TTLL5: variants seen among roughly 807,000 people sequenced by gnomAD.
The protein encoded by TTLL5 is tubulin polyglutamylase TTLL5.
Under a neutral mutation model 168.4 loss-of-function variants are expected in TTLL5, and 132 were observed. The ratio of observed to expected loss-of-function variants is 0.78; its 90% CI spans 0.68 to 0.91. The LOEUF (loss-of-function observed/expected upper bound fraction) is 0.91. Among genes scored for constraint, TTLL5 ranks in the 40% least tolerant of loss-of-function variants. The probability of loss-of-function intolerance (pLI) is 0.00; values close to 1 mark genes in which losing one functional copy is unlikely to be tolerated. For synonymous variants in TTLL5, 546 were observed against 558.6 expected (o/e 0.98, Z 0.32); for missense variants, 1,545 against 1,581.5 (o/e 0.98, Z 0.39).
At chr14:75,905,485 A>G (rs1288489435) in intron 31 of TTLL5, among the ~76,000 whole-genome samples, 1 of 152,228 alleles carries the variant, frequency 6.6e-6, no homozygotes, top group African/African-American at 2.4e-5. Flanking sequence ...GTGAATTGAA[A>G]GCTCTTAGCA....
At chr14:75,907,146 ATTT>A (rs977807267) in intron 31 of TTLL5, among the ~76,000 whole-genome samples, 2 of 152,030 alleles carry the variant, frequency 1.3e-5, no homozygotes, top group African/African-American at 2.4e-5. Flanking sequence ...GAGGGAACAA[ATTT>A]TTTTTCAAAT....
At chr14:75,707,519 T>C (rs1260522488) in intron 8 of TTLL5, 104 bp from the exon 9 acceptor site, 6 of 914,718 alleles carry the variant, frequency 6.6e-6, no homozygotes, top group East Asian at 2.6e-5. Context: ...ATGTGGAGTG[T>C]AGGAATGTTC....
intron 28 of TTLL5, among the ~76,000 whole-genome samples, chr14:75,842,203 T>C: frequency 6.6e-6 from 1 of 152,200 alleles, no homozygotes; most frequent in Non-Finnish European, 1.5e-5. Context: ...TATCCCAGTA[T>C]ATCCTCCAAT....
chr14:75,915,852 A>T (rs2033596569), intron 31 of TTLL5, among the ~76,000 whole-genome samples: 1 of 151,960 alleles, frequency 6.6e-6, no homozygotes, highest in Non-Finnish European at 1.5e-5. Flanking sequence ...AATAAGTCGG[A>T]CATGGTGGCT....
In TTLL5 at chr14:75,945,980, T is replaced by G. The variant is rs140313153; in HGVS notation, c.3824-8444T>G. On this transcript the variant is annotated intron_variant, in intron 31 of 31. Transcript: ENST00000298832. The stretch of plus-strand genomic sequence containing the variant: ...GGAAATAATTACCAAACCATAAATG[T>G]ATTCTAAGCAAAAATATCTTTCATG... Among the ~76,000 whole-genome samples the G allele has an allele frequency of 4.5e-4, 68 of 152,352 alleles. 1 individual carries two copies. Among genetic ancestry groups the G allele is most frequent in the African/African-American group, 1.6e-3 (67 of 41,578 alleles).
intron 31 of TTLL5, among the ~76,000 whole-genome samples, chr14:75,953,971 A>G (rs1207038200): frequency 6.6e-6 from 1 of 152,136 alleles, no homozygotes; most frequent in Non-Finnish European, 1.5e-5. Context: ...CTTTGTGGCC[A>G]GGCGCAGTGG....
chr14:75,720,290 T>TG (rs553360018), intron 11 of TTLL5, among the ~76,000 whole-genome samples: 1,882 of 152,238 alleles, frequency 0.012, 15 homozygotes, highest in South Asian at 0.026. Context: ...CAAAAAAGAC[T>TG]TTTCATTTCA....
chr14:75,673,295 T>A (rs1159143076), intron 3 of TTLL5, among the ~76,000 whole-genome samples: 1 of 152,228 alleles, frequency 6.6e-6, no homozygotes, highest in Non-Finnish European at 1.5e-5. Flanking sequence ...AACTTTTGCT[T>A]TCTCTTGTTT....
chr14:75,876,982 G>C (rs552060116), intron 29 of TTLL5, among the ~76,000 whole-genome samples: 3 of 152,306 alleles, frequency 2.0e-5, no homozygotes, highest in South Asian at 4.1e-4. Flanking sequence ...AGCTTCCAGA[G>C]GGAAACGGAC....
chr14:75,744,955 T>A, intron 15 of TTLL5, 140 bp from the exon 16 acceptor site: 1 of 679,104 alleles, frequency 1.5e-6, no homozygotes, highest in Non-Finnish European at 2.4e-6. Context: ...CAGGCTGAGA[T>A]TAATTACAGA....
chr14:75,925,020 T>C (rs1595278581), intron 31 of TTLL5, among the ~76,000 whole-genome samples: 1 of 125,548 alleles, frequency 8.0e-6, no homozygotes, highest in African/African-American at 3.1e-5. Context: ...GGCTCCTCAC[T>C]TCCCAGTAGG....
At chr14:75,793,197 A>T (rs1443424530) in intron 27 of TTLL5, 97 bp downstream of exon 27, 2 of 1,131,630 alleles carry the variant, frequency 1.8e-6, no homozygotes, top group East Asian at 5.2e-5. Flanking sequence ...ATTCCCATAT[A>T]CTGATGCCTC....
intron 31 of TTLL5, among the ~76,000 whole-genome samples, chr14:75,912,404 T>C (rs2033429154): frequency 6.6e-6 from 1 of 152,116 alleles, no homozygotes; most frequent in East Asian, 1.9e-4. Flanking sequence ...TTTTTTCAGA[T>C]GGGATTGTAG....
At chr14:75,937,413 C>T (rs569697467) in intron 31 of TTLL5, among the ~76,000 whole-genome samples, 1 of 152,090 alleles carries the variant, frequency 6.6e-6, no homozygotes, top group African/African-American at 2.4e-5. Context: ...GCATGAGCCA[C>T]CATGCCTGGT....
At chr14:75,810,255 A>G (rs897620942) in intron 27 of TTLL5, among the ~76,000 whole-genome samples, 1 of 152,182 alleles carries the variant, frequency 6.6e-6, no homozygotes, top group Non-Finnish European at 1.5e-5. Flanking sequence ...GAGGAAATTG[A>G]GCTATGGCAA....
intron 27 of TTLL5, among the ~76,000 whole-genome samples, chr14:75,807,163 G>A (rs1893705129): frequency 1.3e-5 from 2 of 152,034 alleles, no homozygotes; most frequent in Admixed American, 1.3e-4. Context: ...AAAAACGATT[G>A]ATGGCTGGGT....
At chr14:75,934,974 G>C (rs1416029819) in intron 31 of TTLL5, among the ~76,000 whole-genome samples, 1 of 152,180 alleles carries the variant, frequency 6.6e-6, no homozygotes, top group Non-Finnish European at 1.5e-5. Context: ...ATATAAAGCA[G>C]CAGTCATATT....
At position 75,846,018 on chromosome 14, in the gene TTLL5, A is replaced by G. The variant is rs544128755; in HGVS notation, c.3327-17649A>G. On this transcript the variant is annotated intron_variant, in intron 28 of 31. Transcript: ENST00000298832. ...TGGTGCGATAGAGTTCAGCATTACAAATATCTTTACCCTAGTCTATGCATT... is the reference window on the plus strand; with the variant it reads ...TGGTGCGATAGAGTTCAGCATTACAGATATCTTTACCCTAGTCTATGCATT... Among the ~76,000 whole-genome samples, 6 of 152,368 alleles carry G rather than the reference A, an allele frequency of 3.9e-5. No homozygotes were observed. The South Asian group carries it at 6.2e-4, about 16-fold the overall frequency.
intron 31 of TTLL5, among the ~76,000 whole-genome samples, chr14:75,912,245 A>G (rs2033422843): frequency 6.6e-6 from 1 of 152,028 alleles, no homozygotes; most frequent in Non-Finnish European, 1.5e-5. Context: ...TCCTCCAGCA[A>G]AGTGCCCCTG....
Sources: gnomAD v4.1 joint callset for allele counts (sites outside exome capture counted in the v4.1 genomes callset) on GRCh38, gnomAD v4.1.1 for gene constraint, MANE v1.5 for transcripts, NCBI Gene and HGNC (gene_info 2026-07-23, HGNC 2026-07-21) for gene names.